The following SHANK1 variants were observed in gnomAD, a reference collection of about 807,000 sequenced individuals.
The protein encoded by SHANK1 is SH3 and multiple ankyrin repeat domains 1.
A neutral mutation model predicts 165.6 loss-of-function variants in SHANK1; 35 were observed. The observed-to-expected ratio is 0.21, with a 90% confidence interval of 0.16 to 0.28. The LOEUF is 0.28. Among genes scored for constraint, SHANK1 ranks in the 10% least tolerant of loss-of-function variants. The pLI is 1.00. For synonymous variants in SHANK1, 1,428 were observed against 1,384.8 expected (o/e 1.03, Z -0.69); for missense variants, 2,681 against 3,036.4 (o/e 0.88, Z 2.75).
At chr19:50,689,461 C>T (rs1039791806) in intron 15 of SHANK1, 182 bp from the exon 16 acceptor site, 3 of 699,566 alleles carry the variant, frequency 4.3e-6, no homozygotes, top group African/African-American at 1.8e-5. Flanking sequence ...ATGGGCTTCC[C>T]CCTCAGAGCC....
At chr19:50,701,833 T>C (rs1986924957) in intron 12 of SHANK1, among the ~76,000 whole-genome samples, 1 of 152,162 alleles carries the variant, frequency 6.6e-6, no homozygotes, top group Non-Finnish European at 1.5e-5. Context: ...CTGCAAAGCC[T>C]ATAAGCAGGG....
rs35402761 is a variant in SHANK1 at position 50,690,049 on chromosome 19, G to C, written c.1965-770C>G. 0.32 allele frequency among the ~76,000 whole-genome samples: 48,591 copies of C among 152,064 alleles called. 9,241 individuals are homozygous for C. Among genetic ancestry groups the C allele is most frequent in the Admixed American group, 0.45 (6,817 of 15,268 alleles). ...TCCAAGTGTGCAGAAGCTGCACATG[G>C]CTGGTGGCCACCACATTGGACAGTA... is the stretch of plus-strand genomic sequence containing the variant. On this transcript the variant is annotated intron_variant, in intron 15 of 23. Coordinates refer to ENST00000293441, the MANE Select transcript of SHANK1 (RefSeq NM_016148.5). This position sits in a 1 kb window ranked among gnomAD's most constrained non-coding sequence, Gnocchi z 4.9.
At position 50,686,942 on chromosome 19, in the gene SHANK1, C is replaced by T. The variant is rs1986361680; in HGVS notation, c.2390-130G>A. On this transcript the variant is annotated intron_variant, in intron 19 of 23. Transcript: ENST00000293441. This position sits in a 1 kb window ranked among gnomAD's most constrained non-coding sequence, Gnocchi z 5.7. ...GGGCGCGAGAGGGGCAGTGAGGGGC[C>T]GGGGTCAGGGAGGGGCGAGTCCGCC... 4.2e-6 allele frequency: 5 copies of T among 1,194,080 alleles called. No individual in the cohort carries two copies. The highest frequency in any genetic ancestry group is 4.4e-6 in the Non-Finnish European group (4 of 904,192). 74.0% of individuals were successfully genotyped at this position (1,194,080 alleles called of 1,614,324 possible). A position where few individuals can be genotyped will look rare whatever the true frequency, so the allele number is the denominator to read the frequency against.
Position 50,662,785 on chromosome 19 carries a change from G to C in SHANK1, c.5769-103C>G. The C allele has an allele frequency of 9.0e-4, 984 of 1,095,104 alleles. No individual in the cohort carries two copies. Among genetic ancestry groups the C allele is most frequent in the Non-Finnish European group, 1.2e-3 (888 of 756,836 alleles). The allele number at this position is 1,095,104 out of a possible 1,614,324, so 67.8% of individuals were successfully genotyped here. On this transcript the variant is annotated intron_variant, in intron 23 of 23. Coordinates refer to ENST00000293441, the MANE Select transcript of SHANK1 (RefSeq NM_016148.5). The surrounding 1 kb of genome is among the most constrained non-coding windows in gnomAD (Gnocchi z 7.7). ...CAAGATATAGGGAGAGAGGAGGAGAGACATAAGGGTAGGGGGAGAGACGGA... is the reference window on the plus strand; with the variant it reads ...CAAGATATAGGGAGAGAGGAGGAGACACATAAGGGTAGGGGGAGAGACGGA...
rs1213019253 is a variant in SHANK1 at position 50,702,512 on chromosome 19, G to T, written c.1702C>A (p.Gln568Lys). ...CTCAGGGAGATCTCCCCCTCGGCTT[G>T]GGCCTGGTAGGACTTCACAGCCATG... The part of the protein sequence containing the change: ...SFMAVKSYQA[Q>K]AEGEISLSKG... The change falls in exon 12 of 24, where the codon CAA (glutamine) becomes AAA (lysine). Residue 568 changes from glutamine (Q) to lysine (K), a missense_variant. Coordinates refer to ENST00000293441, the MANE Select transcript of SHANK1 (RefSeq NM_016148.5). This position sits in a 1 kb window ranked among gnomAD's most constrained non-coding sequence, Gnocchi z 5.3. The T allele has an allele frequency of 6.2e-7, 1 of 1,613,282 alleles. No individual in the cohort carries two copies. Among genetic ancestry groups the T allele is most frequent in the Admixed American group, 1.7e-5 (1 of 59,984 alleles).
At chr19:50,671,674 T>A (rs564450866) in intron 22 of SHANK1, among the ~76,000 whole-genome samples, 20 of 152,160 alleles carry the variant, frequency 1.3e-4, no homozygotes, top group Admixed American at 7.9e-4. Context: ...TGGGGAGCGC[T>A]TGGTAAACAC....
rs575322025 is a variant in SHANK1 at position 50,691,986 on chromosome 19, T to A, written c.1965-2707A>T. 3.0e-4 allele frequency among the ~76,000 whole-genome samples: 45 copies of A among 152,300 alleles called. 1 individual carries two copies. The highest frequency in any genetic ancestry group is 9.6e-4 in the African/African-American group (40 of 41,564). The stretch of plus-strand genomic sequence containing the variant: ...AGGCATGAGTTGCCACACCCAGCCC[T>A]AGTTTCACTTTATAGGTGAGGAAAC... On this transcript the variant is annotated intron_variant, in intron 15 of 23. Transcript: ENST00000293441.
chr19:50,713,317 T>G lies in SHANK1; in HGVS notation c.792+481A>C, dbSNP rs1401286290. Among the ~76,000 whole-genome samples the G allele has an allele frequency of 6.6e-6, 1 of 151,520 alleles. No homozygotes were observed. The highest frequency in any genetic ancestry group is 1.5e-5 in the Non-Finnish European group (1 of 67,936). Reference sequence around the variant, plus strand: ...CTATTTGGGAAAGTGCATTTGAGGCTGTGTACGTGGGGAAGGGGCTGTATT... The same window carrying G: ...CTATTTGGGAAAGTGCATTTGAGGCGGTGTACGTGGGGAAGGGGCTGTATT... On this transcript the variant is annotated intron_variant, in intron 6 of 23. Coordinates refer to ENST00000293441, the MANE Select transcript of SHANK1 (RefSeq NM_016148.5). The surrounding 1 kb of genome is among the most constrained non-coding windows in gnomAD (Gnocchi z 6.2).
intron 4 of SHANK1, among the ~76,000 whole-genome samples, chr19:50,714,866 T>C (rs1300352480): frequency 1.3e-5 from 2 of 152,100 alleles, no homozygotes; most frequent in African/African-American, 2.4e-5. Flanking sequence ...ACTAAGTCTT[T>C]GAAACCCAGT....
rs760094743 is a variant in SHANK1 at position 50,697,624 on chromosome 19, A to G, written c.1902T>C (p.Tyr634=). The stretch of plus-strand genomic sequence containing the variant: ...CAAAGCTGTCGTAGGAGCCCACGGT[A>G]TAATGCCGGAAGAGTCTCTTTGCCT... The part of the protein sequence containing the change: ...SDKAKRLFRH[Y]TVGSYDSFDA... Residue 634 remains tyrosine (Y), a synonymous_variant, in exon 14 of 24, where the codon TAT becomes TAC. Transcript: ENST00000293441. The surrounding 1 kb of genome is among the most constrained non-coding windows in gnomAD (Gnocchi z 4.7). 6 of 1,614,090 alleles carry G rather than the reference A, an allele frequency of 3.7e-6. No homozygotes were observed. The highest frequency in any genetic ancestry group is 2.2e-5 in the East Asian group (1 of 44,884).
At chr19:50,696,970 C>T in intron 15 of SHANK1, 126 bp downstream of exon 15, 1 of 800,576 alleles carries the variant, frequency 1.2e-6, no homozygotes, top group South Asian at 1.5e-5. Context: ...TCATGCACAC[C>T]TACAGAGACA....
Position 50,688,686 on chromosome 19 carries a change from C to T in SHANK1, c.2172+158G>A, listed in dbSNP as rs529785610. 3.3e-5 allele frequency among the ~76,000 whole-genome samples: 5 copies of T among 152,168 alleles called. No homozygotes were observed. The highest frequency in any genetic ancestry group is 2.6e-4 in the Admixed American group (4 of 15,276). On this transcript the variant is annotated intron_variant, in intron 17 of 23. Coordinates refer to ENST00000293441, the MANE Select transcript of SHANK1 (RefSeq NM_016148.5). The surrounding 1 kb of genome is among the most constrained non-coding windows in gnomAD (Gnocchi z 6.7). The stretch of plus-strand genomic sequence containing the variant: ...TGCCTCAGAGGCCTTTAGATGGAAT[C>T]GCTGGGGAAAGCAGAGGCTGGCTGG...
In SHANK1 at chr19:50,688,850, G is replaced by T; in HGVS notation, c.2166C>A (p.Leu722=). 3.7e-6 allele frequency: 6 copies of T among 1,606,652 alleles called. No individual in the cohort carries two copies. The highest frequency in any genetic ancestry group is 5.1e-6 in the Non-Finnish European group (6 of 1,176,652). ...AGAGGGGGCCTGGACTGACCTCGAT[G>T]AGGAAGTCTCCCATTCGCAGTCCAG... ...WRAGLRMGDF[L]IEVNGQNVVK... is the part of the protein sequence containing the mutation. Residue 722 remains leucine (L), a synonymous_variant, in exon 17 of 24, where the codon CTC becomes CTA. Transcript: ENST00000293441. The surrounding 1 kb of genome is among the most constrained non-coding windows in gnomAD (Gnocchi z 6.7).
chr19:50,716,856 C>T lies in SHANK1; in HGVS notation c.64G>A (p.Gly22Arg), dbSNP rs746931414. 1 of 1,528,752 alleles carries T rather than the reference C, an allele frequency of 6.5e-7. No homozygotes were observed. Among genetic ancestry groups the T allele is most frequent in the Non-Finnish European group, 8.8e-7 (1 of 1,140,146 alleles). The allele number at this position is 1,528,752 out of a possible 1,614,324, so 94.7% of individuals were successfully genotyped here. The change falls in exon 2 of 24, where the codon GGG (glycine) becomes AGG (arginine). Residue 22 changes from glycine to arginine, a missense_variant. Around this residue, in one of 10 missense-constraint regions of SHANK1, gnomAD observed 118 missense variants for 106.9 expected, o/e 1.10. Coordinates refer to ENST00000293441, the MANE Select transcript of SHANK1 (RefSeq NM_016148.5). This position sits in a 1 kb window ranked among gnomAD's most constrained non-coding sequence, Gnocchi z 8.4. Reference sequence around the variant, plus strand: ...GGGGAGCTGTCGGACTCTGAGCCCCCCTCGGGACACTCGCTGGCACTGTGG... The same window carrying T: ...GGGGAGCTGTCGGACTCTGAGCCCCTCTCGGGACACTCGCTGGCACTGTGG... Reference protein sequence around the residue: ...ERHSASECPEGGSESDSSPDG... With the variant: ...ERHSASECPERGSESDSSPDG...
At position 50,667,431 on chromosome 19, in the gene SHANK1, G is replaced by C. The variant is rs2123076830; in HGVS notation, c.4529C>G (p.Pro1510Arg). The change falls in exon 23 of 24, where the codon CCC (proline) becomes CGC (arginine). Residue 1510 changes from proline to arginine, a missense_variant. By Grantham distance (103) the Pro-to-Arg change is moderately radical (BLOSUM62 -2). Transcript: ENST00000293441. This position sits in a 1 kb window ranked among gnomAD's most constrained non-coding sequence, Gnocchi z 5.7. ...PRAPVTSGRG[P>R]PSEDGPGVPP... is the part of the protein sequence containing the mutation. ...GACCCCCGGCCCGTCCTCCGAGGGG[G>C]GACCCCTTCCGCTCGTCACAGGGGC... 6.6e-7 allele frequency: 1 copy of C among 1,524,050 alleles called. No individual in the cohort carries two copies. Among genetic ancestry groups the C allele is most frequent in the Non-Finnish European group, 8.7e-7 (1 of 1,143,530 alleles). 94.4% of individuals were successfully genotyped at this position (1,524,050 alleles called of 1,614,324 possible).
Position 50,670,332 on chromosome 19 carries a change from G to T in SHANK1, c.2675-1047C>A, listed in dbSNP as rs1422286784. 6.6e-6 allele frequency among the ~76,000 whole-genome samples: 1 copy of T among 152,056 alleles called. No individual in the cohort carries two copies. On this transcript the variant is annotated intron_variant, in intron 22 of 23. Transcript: ENST00000293441. This position sits in a 1 kb window ranked among gnomAD's most constrained non-coding sequence, Gnocchi z 4.1. ...ATCCTGTTGTTTCAAAACATATCCG[G>T]AATCCAATCCCTTCTCACCCCTCCA...
At position 50,686,927 on chromosome 19, in the gene SHANK1, G is replaced by C. The variant is rs969909149; in HGVS notation, c.2390-115C>G. 4.0e-5 allele frequency: 55 copies of C among 1,367,972 alleles called. No individual in the cohort carries two copies. In the Admixed American group the frequency reaches 1.0e-3, roughly 26 times the overall value. The allele number at this position is 1,367,972 out of a possible 1,614,324, so 84.7% of individuals were successfully genotyped here. On this transcript the variant is annotated intron_variant, in intron 19 of 23. Transcript: ENST00000293441. The surrounding 1 kb of genome is among the most constrained non-coding windows in gnomAD (Gnocchi z 5.7). ...GCCAGTGGGCGTGGCGGGCGCGAGA[G>C]GGGCAGTGAGGGGCCGGGGTCAGGG...
At chr19:50,695,906 G>A (rs989455100) in intron 15 of SHANK1, among the ~76,000 whole-genome samples, 26 of 152,194 alleles carry the variant, frequency 1.7e-4, no homozygotes, top group African/African-American at 5.5e-4. Flanking sequence ...GCCAGGAGGG[G>A]AGACACACGG....
Position 50,697,905 on chromosome 19 carries a change from A to G in SHANK1, c.1799T>C (p.Val600Ala). ...CAGGCAGTCAGAGGGGAACCAGCCAACACGACCTTTGACCTGGCCTTCCCA... is the reference window on the plus strand; with the variant it reads ...CAGGCAGTCAGAGGGGAACCAGCCAGCACGACCTTTGACCTGGCCTTCCCA... The part of the protein sequence containing the change: ...GFWEGQVKGR[V>A]GWFPSDCLEE... The change falls in exon 13 of 24, where the codon GTT (valine) becomes GCT (alanine). Residue 600 changes from valine to alanine, a missense_variant. Physicochemically the swap from Val to Ala is moderately conservative, Grantham distance 64 (BLOSUM62 0). Coordinates refer to ENST00000293441, the MANE Select transcript of SHANK1 (RefSeq NM_016148.5). This position sits in a 1 kb window ranked among gnomAD's most constrained non-coding sequence, Gnocchi z 4.7. 1 of 1,614,158 alleles carries G rather than the reference A, an allele frequency of 6.2e-7. No homozygotes were observed. Among genetic ancestry groups the G allele is most frequent in the Non-Finnish European group, 8.5e-7 (1 of 1,180,022 alleles).
Sources: allele counts gnomAD v4.1 joint callset (sites outside exome capture counted in the v4.1 genomes callset), GRCh38; gene constraint gnomAD v4.1.1; regional missense constraint gnomAD v4.1.1; non-coding constraint Gnocchi (gnomAD v3.1); transcripts MANE v1.5; gene names NCBI Gene and HGNC (gene_info 2026-07-23, HGNC 2026-07-21).